TBCE: variants seen among roughly 807,000 people sequenced by gnomAD.
TBCE encodes tubulin-specific chaperone E.
In TBCE, 53 loss-of-function variants were observed where a neutral mutation model predicts 77.0. The observed-to-expected ratio is 0.69, with a 90% CI of 0.55 to 0.87. The LOEUF is 0.87. TBCE is among the 40% of genes least tolerant of loss of function. The pLI, the probability that TBCE is intolerant of heterozygous loss-of-function variation, is 0.00. For missense variants in TBCE, 624 were observed against 622.4 expected (o/e 1.00, Z -0.03); for synonymous variants, 235 against 241.3 (o/e 0.97, Z 0.24).
chr1:235,378,245 G>A (rs188583636), intron 1 of TBCE, among the ~76,000 whole-genome samples: 256 of 152,230 alleles, frequency 1.7e-3, no homozygotes, highest in Non-Finnish European at 3.2e-3. Context: ...TTTTGAGACA[G>A]GCTCTAGCTC....
rs546640124 is a variant in TBCE, at chr1:235,448,462, A to G, written c.1491+22A>G. The G allele has an allele frequency of 3.1e-6, 5 of 1,605,588 alleles. No individual in the cohort carries two copies. The African/African-American group carries it at 5.4e-5, about 17-fold the overall frequency. On this transcript the variant is annotated intron_variant, in intron 16 of 16. Transcript: ENST00000642610. ...CAAAGTAAGTTGCCCAGCAAAATAC[A>G]AAGTCAAAGTCAAGCTTAGTCCTCG...
rs11285697 is a variant in TBCE at position 235,398,142 on chromosome 1, CTT to C, written c.101-3347_101-3346del. Among the ~76,000 whole-genome samples the C allele has an allele frequency of 2.0e-3, 254 of 129,696 alleles. 1 individual carries two copies. Among genetic ancestry groups the C allele is most frequent in the Middle Eastern group, 7.6e-3 (2 of 264 alleles). The allele number at this position is 129,696 out of a possible 152,430, so 85.1% of individuals were successfully genotyped here. A position where few individuals can be genotyped will look rare whatever the true frequency, so the allele number is the denominator to read the frequency against. On this transcript the variant is annotated intron_variant, in intron 2 of 16. Transcript: ENST00000642610. ...CTATGATGATAACATTTACTTCTTT[CTT>C]TTTTTTTTTTTTTCTTTTGAGATGG...
chr1:235,377,389 T>C (rs552722597), intron 1 of TBCE, among the ~76,000 whole-genome samples: 94 of 152,256 alleles, frequency 6.2e-4, no homozygotes, highest in African/African-American at 2.0e-3. Flanking sequence ...CCCTGTTGGC[T>C]GGGATGGTAT....
chr1:235,431,363 CTT>C (rs60208965), intron 7 of TBCE, among the ~76,000 whole-genome samples: 13 of 141,186 alleles, frequency 9.2e-5, no homozygotes, highest in Admixed American at 7.1e-5. Flanking sequence ...ATTCCACTTT[CTT>C]TTTTTTTTTT....
rs981904678 is a variant in TBCE, at chr1:235,380,161, T to G, written c.100+12T>G. On this transcript the variant is annotated intron_variant, in intron 2 of 16. Coordinates refer to ENST00000642610, the MANE Select transcript of TBCE (RefSeq NM_003193.5). Reference sequence around the variant, plus strand: ...CCCTCCCGTGGCAGGTAAGCAATTATTGTGTGTGTGTGTGTGTGTGTGTGT... The same window carrying G: ...CCCTCCCGTGGCAGGTAAGCAATTAGTGTGTGTGTGTGTGTGTGTGTGTGT... The G allele has an allele frequency of 2.2e-5, 25 of 1,136,468 alleles. No homozygotes were observed. The highest frequency in any genetic ancestry group is 2.1e-4 in the Middle Eastern group (1 of 4,788). 70.4% of individuals were successfully genotyped at this position (1,136,468 alleles called of 1,614,324 possible).
At chr1:235,443,104 T>G (rs1023936472) in intron 15 of TBCE, 193 bp downstream of exon 15, 1 of 620,474 alleles carries the variant, frequency 1.6e-6, no homozygotes, top group Non-Finnish European at 2.8e-6. Flanking sequence ...AAAGTTCAGG[T>G]CTCCCCTAAC....
In TBCE at chr1:235,409,555, T is replaced by C. The variant is rs1194203857; in HGVS notation, c.186-4878T>C. 2.0e-5 allele frequency among the ~76,000 whole-genome samples: 3 copies of C among 152,048 alleles called. No individual in the cohort carries two copies. The East Asian group carries it at 5.8e-4, about 29-fold the overall frequency. Reference sequence around the variant, plus strand: ...CTGGAAATGTTCCAGAAAATATTGATCTTTAGTGTTAGTCTTTGATCTGTA... The same window carrying C: ...CTGGAAATGTTCCAGAAAATATTGACCTTTAGTGTTAGTCTTTGATCTGTA... On this transcript the variant is annotated intron_variant, in intron 3 of 16. Transcript: ENST00000642610.
chr1:235,442,754 A>G, intron 14 of TBCE, 98 bp from the exon 15 acceptor site: 1 of 1,158,674 alleles, frequency 8.6e-7, no homozygotes, highest in Non-Finnish European at 1.3e-6. Context: ...ATTTGCACTG[A>G]ATACCTCTAT....
At chr1:235,433,909 A>C in intron 7 of TBCE, 2 of 444,070 alleles carry the variant, frequency 4.5e-6, no homozygotes, top group South Asian at 6.0e-5. Flanking sequence ...ATGTGCAGTT[A>C]GTATCTCCTG....
intron 9 of TBCE, chr1:235,436,100 A>G (rs1330234367): frequency 3.3e-6 from 2 of 602,658 alleles, no homozygotes; most frequent in Admixed American, 5.9e-5. Context: ...GAAAGTCTTC[A>G]TTCATTAAAC....
At chr1:235,440,231 G>A (rs549629905) in intron 13 of TBCE, among the ~76,000 whole-genome samples, 125 of 151,960 alleles carry the variant, frequency 8.2e-4, no homozygotes, top group African/African-American at 1.4e-3. Flanking sequence ...TGGCCTCCCA[G>A]AGTGCTGGGA....
chr1:235,448,178 C>T (rs948381113), intron 15 of TBCE, among the ~76,000 whole-genome samples, 171 bp from the exon 16 acceptor site: 11 of 136,534 alleles, frequency 8.1e-5, no homozygotes, highest in Non-Finnish European at 1.1e-4. Context: ...CCAGCCTGGG[C>T]GACAGAGCAA....
At chr1:235,448,210 AAGTC>A in intron 15 of TBCE, 135 bp from the exon 16 acceptor site, 2 of 719,088 alleles carry the variant, frequency 2.8e-6, no homozygotes, top group African/African-American at 4.0e-5. Context: ...GTAAGTAAGT[AAGTC>A]AGTCTCAAAA....
At chr1:235,375,720 C>T (rs1042946930) in intron 1 of TBCE, among the ~76,000 whole-genome samples, 1 of 151,988 alleles carries the variant, frequency 6.6e-6, no homozygotes, top group Admixed American at 6.6e-5. Flanking sequence ...TTATTAGAAA[C>T]GTTCAGAGAC....
chr1:235,405,906 A>G (rs947858645), intron 3 of TBCE, among the ~76,000 whole-genome samples: 3 of 152,110 alleles, frequency 2.0e-5, no homozygotes, highest in Admixed American at 2.0e-4. Context: ...CTCCAGTGTG[A>G]TTATGGGACC....
chr1:235,409,193 C>T (rs1396640844), intron 3 of TBCE, among the ~76,000 whole-genome samples: 1 of 151,996 alleles, frequency 6.6e-6, no homozygotes, highest in Admixed American at 6.6e-5. Context: ...CATGCTGTTT[C>T]CACAAGGGCC....
intron 2 of TBCE, among the ~76,000 whole-genome samples, chr1:235,394,310 G>A (rs908212648): frequency 3.3e-5 from 5 of 151,642 alleles, no homozygotes; most frequent in African/African-American, 1.2e-4. Flanking sequence ...TCCTGACCTC[G>A]TGATCCACCT....
At chr1:235,385,732 C>T (rs1190650632) in intron 2 of TBCE, among the ~76,000 whole-genome samples, 1 of 152,094 alleles carries the variant, frequency 6.6e-6, no homozygotes, top group African/African-American at 2.4e-5. Context: ...AGATGGGTTT[C>T]CTGAATACAG....
At chr1:235,442,093 C>T (rs542291000) in intron 14 of TBCE, among the ~76,000 whole-genome samples, 206 of 151,904 alleles carry the variant, frequency 1.4e-3, no homozygotes, top group Non-Finnish European at 2.1e-3. Flanking sequence ...TTGCAACCTC[C>T]GCCTCCCAGG....
Sources: gnomAD v4.1 joint callset for allele counts (sites outside exome capture counted in the v4.1 genomes callset) on GRCh38, gnomAD v4.1.1 for gene constraint, MANE v1.5 for transcripts, NCBI Gene and HGNC (gene_info 2026-07-23, HGNC 2026-07-21) for gene names.